The following SLC7A11 variants were observed in gnomAD, a reference collection of about 807,000 sequenced individuals.
The protein encoded by SLC7A11 is solute carrier family 7 member 11, also known as cystine/glutamate transporter.
In SLC7A11, 35 loss-of-function variants were observed where a neutral mutation model predicts 54.5. The ratio of observed to expected loss-of-function variants is 0.64; its 90% CI spans 0.49 to 0.85. The LOEUF is 0.85. Among genes scored for constraint, SLC7A11 ranks in the 40% least tolerant of loss-of-function variants. The probability of loss-of-function intolerance (pLI) is 0.00; values close to 1 mark genes in which losing one functional copy is unlikely to be tolerated. For synonymous variants in SLC7A11, 230 were observed against 225.2 expected, an observed-to-expected ratio of 1.02 and a Z score of -0.19; for missense variants, 583 against 618.1, an observed-to-expected ratio of 0.94 and a Z score of 0.60.
At chr4:138,182,025 G>A (rs768695900) in intron 9 of SLC7A11, among the ~76,000 whole-genome samples, 4 of 151,996 alleles carry the variant, frequency 2.6e-5, no homozygotes, top group Non-Finnish European at 4.4e-5. Context: ...AATGAGAGGA[G>A]CCAAGCCAAT....
intron 7 of SLC7A11, 70 bp from the exon 8 acceptor site, chr4:138,183,375 C>T: frequency 1.0e-6 from 1 of 979,934 alleles, no homozygotes; most frequent in South Asian, 1.4e-5. Context: ...CAATTTAGGC[C>T]AAACTTGCTC....
rs1736400582 is a variant in SLC7A11 at position 138,170,533 on chromosome 4, C to A, written c.*1423G>T. On this transcript the variant is annotated 3_prime_UTR_variant, in exon 12 of 12. Coordinates refer to ENST00000280612, the MANE Select transcript of SLC7A11 (RefSeq NM_014331.4). ...GTTTCTCCATGTTGGTCAGGCTGGTCTAGAACTCCCGACCTCAGGTGATCC... is the reference window on the plus strand; with the variant it reads ...GTTTCTCCATGTTGGTCAGGCTGGTATAGAACTCCCGACCTCAGGTGATCC... The A allele has an allele frequency of 1.3e-5, 2 of 151,644 alleles. No individual in the cohort carries two copies. The allele number at this position is 151,644 out of a possible 1,614,324, so 9.4% of individuals were successfully genotyped here.
rs756597636 is a variant in SLC7A11, at chr4:138,165,282, C to T, written c.*6674G>A. 1.2e-4 allele frequency: 19 copies of T among 152,526 alleles called. No homozygotes were observed. Among genetic ancestry groups the T allele is most frequent in the Non-Finnish European group, 2.5e-4 (17 of 67,992 alleles). The allele number at this position is 152,526 out of a possible 1,614,324, so 9.4% of individuals were successfully genotyped here. A position where few individuals can be genotyped will look rare whatever the true frequency, so the allele number is the denominator to read the frequency against. ...TAACTAAAAACCATTTCTACCAGTGCATCACTACCATGTAATCCATTCTAC... is the reference window on the plus strand; with the variant it reads ...TAACTAAAAACCATTTCTACCAGTGTATCACTACCATGTAATCCATTCTAC... On this transcript the variant is annotated 3_prime_UTR_variant, in exon 12 of 12. Coordinates refer to ENST00000280612, the MANE Select transcript of SLC7A11 (RefSeq NM_014331.4).
At chr4:138,213,242 T>A (rs1302140057) in intron 6 of SLC7A11, among the ~76,000 whole-genome samples, 1 of 152,094 alleles carries the variant, frequency 6.6e-6, no homozygotes, top group Non-Finnish European at 1.5e-5. Context: ...TATTTCTTAA[T>A]AAAATGGCCT....
intron 6 of SLC7A11, among the ~76,000 whole-genome samples, chr4:138,187,430 A>G (rs1382953510): frequency 1.3e-5 from 2 of 152,174 alleles, no homozygotes; most frequent in African/African-American, 2.4e-5. Context: ...TTTATATATG[A>G]GAAAAATAAA....
intron 5 of SLC7A11, among the ~76,000 whole-genome samples, chr4:138,214,934 G>A (rs969699396): frequency 9.9e-5 from 15 of 152,186 alleles, no homozygotes; most frequent in African/African-American, 3.1e-4. Flanking sequence ...GAGCAAGCAC[G>A]TGGGAGCCAG....
chr4:138,211,751 G>C (rs7663737), intron 6 of SLC7A11, among the ~76,000 whole-genome samples: 1 of 151,548 alleles, frequency 6.6e-6, no homozygotes, highest in African/African-American at 2.4e-5. Context: ...GATTAACCTG[G>C]AGGACATTAT....
At chr4:138,211,640 C>T (rs544371239) in intron 6 of SLC7A11, among the ~76,000 whole-genome samples, 1 of 152,018 alleles carries the variant, frequency 6.6e-6, no homozygotes, top group South Asian at 2.1e-4. Flanking sequence ...ATCTAAGAGT[C>T]CATCCATGGA....
chr4:138,164,113 A>G lies in SLC7A11; in HGVS notation c.*7843T>C, dbSNP rs1023794354. The stretch of plus-strand genomic sequence containing the variant: ...CGACATTTATTATGTAAACTATCAA[A>G]TGTTTATTTAAATTTCCATTTAAAA... On this transcript the variant is annotated 3_prime_UTR_variant, in exon 12 of 12. Transcript: ENST00000280612. 3 of 152,686 alleles carry G rather than the reference A, an allele frequency of 2.0e-5. No homozygotes were observed. Among genetic ancestry groups the G allele is most frequent in the African/African-American group, 7.2e-5 (3 of 41,566 alleles). The allele number at this position is 152,686 out of a possible 1,614,324, so 9.5% of individuals were successfully genotyped here. A position where few individuals can be genotyped will look rare whatever the true frequency, so the allele number is the denominator to read the frequency against.
rs1736350072 is a variant in SLC7A11, at chr4:138,169,333, G to A, written c.*2623C>T. On this transcript the variant is annotated 3_prime_UTR_variant, in exon 12 of 12. Transcript: ENST00000280612. ...TATGGATATTAATTTCCTGATTAAA[G>A]GAACTGTGTCTTCTCATGATGAGTC... 6.6e-6 allele frequency: 1 copy of A among 152,014 alleles called. No homozygotes were observed. 9.4% of individuals were successfully genotyped at this position (152,014 alleles called of 1,614,324 possible).
chr4:138,218,788 A>G (rs547730902), intron 5 of SLC7A11, among the ~76,000 whole-genome samples: 20 of 152,246 alleles, frequency 1.3e-4, no homozygotes, highest in African/African-American at 4.6e-4. Flanking sequence ...CCTTTAGATT[A>G]CCATTTACCT....
At chr4:138,214,288 T>C (rs1194194163) in intron 6 of SLC7A11, among the ~76,000 whole-genome samples, 3 of 152,006 alleles carry the variant, frequency 2.0e-5, no homozygotes, top group African/African-American at 2.4e-5. Context: ...TATGTGTTTA[T>C]ATGGGATAGG....
chr4:138,208,558 C>T (rs1259420190), intron 6 of SLC7A11, among the ~76,000 whole-genome samples: 3 of 152,016 alleles, frequency 2.0e-5, no homozygotes, highest in African/African-American at 7.2e-5. Flanking sequence ...AGGCAAAATT[C>T]ATTACACTTG....
intron 1 of SLC7A11, among the ~76,000 whole-genome samples, chr4:138,238,354 A>G (rs910832239): frequency 1.3e-5 from 2 of 152,166 alleles, no homozygotes; most frequent in South Asian, 2.1e-4. Context: ...AAGAAAATTT[A>G]AAAAAATCCT....
rs138629758 is a variant in SLC7A11, at chr4:138,224,815, A to AAAGG, written c.521-1495_521-1492dup. 6.2e-3 allele frequency among the ~76,000 whole-genome samples: 845 copies of AAAGG among 135,924 alleles called. 4 individuals carry two copies. The highest frequency in any genetic ancestry group is 0.018 in the South Asian group (74 of 4,140). The allele number at this position is 135,924 out of a possible 152,430, so 89.2% of individuals were successfully genotyped here. Reference sequence around the variant, plus strand: ...GAAGGAAAAGAAGGAAGGAAGGATGAAAGGAAGGAAGGAAGGAAGGAAGGA... The same window carrying AAAGG: ...GAAGGAAAAGAAGGAAGGAAGGATGAAAGGAAGGAAGGAAGGAAGGAAGGAAGGA... On this transcript the variant is annotated intron_variant, in intron 3 of 11. Transcript: ENST00000280612.
intron 6 of SLC7A11, among the ~76,000 whole-genome samples, chr4:138,213,116 C>T (rs1737591629): frequency 1.3e-5 from 2 of 152,026 alleles, no homozygotes; most frequent in African/African-American, 2.4e-5. Flanking sequence ...GGTTTACAGT[C>T]GTAAGGTAGC....
At position 138,170,655 on chromosome 4, in the gene SLC7A11, C is replaced by CACAA. The variant is rs1736404042; in HGVS notation, c.*1297_*1300dup. The stretch of plus-strand genomic sequence containing the variant: ...TACTGGCAAAACAACATCTTCTGAA[C>CACAA]ACAAACACTTATCCACAGATTCTCA... On this transcript the variant is annotated 3_prime_UTR_variant, in exon 12 of 12. Coordinates refer to ENST00000280612, the MANE Select transcript of SLC7A11 (RefSeq NM_014331.4). 2 of 151,986 alleles carry CACAA rather than the reference C, an allele frequency of 1.3e-5. No homozygotes were observed. 9.4% of individuals were successfully genotyped at this position (151,986 alleles called of 1,614,324 possible). A position where few individuals can be genotyped will look rare whatever the true frequency, so the allele number is the denominator to read the frequency against.
intron 6 of SLC7A11, among the ~76,000 whole-genome samples, chr4:138,190,809 T>C (rs1182342300): frequency 1.3e-5 from 2 of 152,126 alleles, no homozygotes; most frequent in Non-Finnish European, 2.9e-5. Context: ...ATTTCTGACA[T>C]TTCTAGCAGG....
At chr4:138,172,664 C>T (rs1279938601) in intron 11 of SLC7A11, among the ~76,000 whole-genome samples, 2 of 152,090 alleles carry the variant, frequency 1.3e-5, no homozygotes, top group African/African-American at 4.8e-5. Flanking sequence ...CTGATAGACA[C>T]AAAAATGTAG....
Sources: gnomAD v4.1 joint callset for allele counts (sites outside exome capture counted in the v4.1 genomes callset) on GRCh38, gnomAD v4.1.1 for gene constraint, MANE v1.5 for transcripts, NCBI Gene and HGNC (gene_info 2026-07-23, HGNC 2026-07-21) for gene names.